Variants in KNTC1 observed in about 807,000 individuals in gnomAD.
The protein encoded by KNTC1 is kinetochore-associated protein 1.
KNTC1 carries 253 observed loss-of-function variants against 314.4 expected under a neutral mutation model. The ratio of observed to expected loss-of-function variants is 0.80; its 90% CI spans 0.73 to 0.89. The LOEUF (loss-of-function observed/expected upper bound fraction) is 0.89, where lower values mean the gene tolerates loss of function less well. KNTC1 is among the 40% of genes least tolerant of loss of function. The pLI, the probability that KNTC1 is intolerant of heterozygous loss-of-function variation, is 0.00. For missense variants in KNTC1, 2,475 were observed against 2,572.9 expected, an observed-to-expected ratio of 0.96 and a Z score of 0.82; for synonymous variants, 901 against 901.4, an observed-to-expected ratio of 1.00 and a Z score of 0.01.
Position 122,590,716 on chromosome 12 carries a change from A to G in KNTC1, c.4109A>G (p.Gln1370Arg). 2 of 1,613,236 alleles carry G rather than the reference A, an allele frequency of 1.2e-6. No individual in the cohort carries two copies. Among genetic ancestry groups the G allele is most frequent in the South Asian group, 2.2e-5 (2 of 90,972 alleles). Reference protein sequence around the residue: ...NLWKLIDKAWQNYDKILAISL... With the variant: ...NLWKLIDKAWRNYDKILAISL... ...TGGAAGCTCATAGATAAAGCATGGC[A>G]GAATTACGACAAAATCTTGGTATGT... The change falls in exon 41 of 64, where the codon CAG (glutamine) becomes CGG (arginine). Residue 1370 changes from glutamine (Q) to arginine (R), a missense_variant. By Grantham distance (43) the Gln-to-Arg change is conservative. Coordinates refer to ENST00000333479, the MANE Select transcript of KNTC1 (RefSeq NM_014708.6).
intron 33 of KNTC1, 117 bp downstream of exon 33, chr12:122,580,787 G>C: frequency 3.6e-6 from 2 of 556,700 alleles, no homozygotes; most frequent in Non-Finnish European, 3.2e-6. Flanking sequence ...CCAGCACTTT[G>C]GGAGGCCAAG....
At chr12:122,624,267 T>TTTTCC (rs1420208837) in intron 62 of KNTC1, among the ~76,000 whole-genome samples, 1 of 129,866 alleles carries the variant, frequency 7.7e-6, no homozygotes, top group African/African-American at 2.6e-5. Flanking sequence ...CCTCTTTTTC[T>TTTTCC]TTTCTTTTCT....
Position 122,571,134 on chromosome 12 carries a change from G to T in KNTC1, c.2019+8G>T. 1 of 1,598,148 alleles carries T rather than the reference G, an allele frequency of 6.3e-7. No homozygotes were observed. On this transcript the variant is annotated splice_region_variant and intron_variant, in intron 24 of 63. Transcript: ENST00000333479. ...TGGCATTGGATTTCCTTGGTATGAT[G>T]TGAGAATGGATTTTTAGTAATGAAA... is the stretch of plus-strand genomic sequence containing the variant.
intron 18 of KNTC1, among the ~76,000 whole-genome samples, chr12:122,559,143 T>C (rs973239962): frequency 6.6e-6 from 1 of 152,046 alleles, no homozygotes; most frequent in Non-Finnish European, 1.5e-5. Context: ...GGTCAGGAGA[T>C]CGAGACCATT....
intron 16 of KNTC1, among the ~76,000 whole-genome samples, chr12:122,552,141 C>T (rs1963245238): frequency 1.3e-5 from 2 of 152,014 alleles, no homozygotes; most frequent in Non-Finnish European, 2.9e-5. Flanking sequence ...CTCCTAACCT[C>T]CTCGTGATCT....
At chr12:122,593,513 TC>T (rs1362568368) in intron 42 of KNTC1, 2 of 152,218 alleles carry the variant, frequency 1.3e-5, no homozygotes, top group Non-Finnish European at 2.9e-5. Flanking sequence ...TCCGCCCACG[TC>T]GGCCTCCCAA....
intron 51 of KNTC1, among the ~76,000 whole-genome samples, 183 bp downstream of exon 51, chr12:122,605,598 T>G (rs2138129539): frequency 6.6e-6 from 1 of 152,196 alleles, no homozygotes; most frequent in African/African-American, 2.4e-5. Flanking sequence ...CAGGCTGGAG[T>G]GTAATGGCGC....
In KNTC1 at chr12:122,575,844, A is replaced by G. The variant is rs1278025893; in HGVS notation, c.2531A>G (p.Lys844Arg). 6.2e-7 allele frequency: 1 copy of G among 1,613,600 alleles called. No homozygotes were observed. The highest frequency in any genetic ancestry group is 1.1e-5 in the South Asian group (1 of 90,946). Residue 844 changes from lysine (K) to arginine (R), a missense_variant, in exon 29 of 64, where the codon AAA becomes AGA. By Grantham distance (26) the Lys-to-Arg change is conservative. Transcript: ENST00000333479. ...QESYKLMEMK[K>R]LLRGYGIREV... ...AGTTACAAACTAATGGAGATGAAAA[A>G]ACTTTTACGAGGCTATGGAATAAGA...
chr12:122,601,453 A>G, intron 44 of KNTC1, 83 bp from the exon 45 acceptor site: 1 of 1,150,256 alleles, frequency 8.7e-7, no homozygotes, highest in South Asian at 1.6e-5. Context: ...TATATTTGTA[A>G]TCTGTGCTGA....
At chr12:122,564,986 T>G (rs553748464) in intron 20 of KNTC1, among the ~76,000 whole-genome samples, 115 of 152,304 alleles carry the variant, frequency 7.6e-4, no homozygotes, top group Non-Finnish European at 1.4e-3. Flanking sequence ...AAAAGGTTAT[T>G]CATCCAAACT....
intron 52 of KNTC1, 57 bp downstream of exon 52, chr12:122,609,487 C>A: frequency 8.7e-7 from 1 of 1,154,550 alleles, no homozygotes; most frequent in Non-Finnish European, 1.2e-6. Context: ...AGAAATCTTA[C>A]CAGTACATTT....
rs550869806 is a variant in KNTC1, at chr12:122,555,274, C to T, written c.1273-2110C>T. Among the ~76,000 whole-genome samples, 4 of 152,240 alleles carry T rather than the reference C, an allele frequency of 2.6e-5. No individual in the cohort carries two copies. In the South Asian group the frequency reaches 6.2e-4, roughly 24 times the overall value. On this transcript the variant is annotated intron_variant, in intron 16 of 63. Coordinates refer to ENST00000333479, the MANE Select transcript of KNTC1 (RefSeq NM_014708.6). ...TGATAAATAATCATATATACTTGGCCGGGTGCAGTGGCTCACCTTTGTAAT... is the reference window on the plus strand; with the variant it reads ...TGATAAATAATCATATATACTTGGCTGGGTGCAGTGGCTCACCTTTGTAAT...
intron 9 of KNTC1, 49 bp from the exon 10 acceptor site, chr12:122,546,573 A>G (rs376516407): frequency 3.4e-6 from 4 of 1,181,334 alleles, no homozygotes; most frequent in Admixed American, 4.5e-5. Flanking sequence ...ATTTAGATAT[A>G]TGAAATATTG....
At chr12:122,532,011 G>T (rs990460757) in intron 2 of KNTC1, among the ~76,000 whole-genome samples, 1 of 150,390 alleles carries the variant, frequency 6.6e-6, no homozygotes, top group African/African-American at 2.4e-5. Context: ...GGGATTACAG[G>T]CTTGAGCCAC....
At chr12:122,564,156 T>G (rs1289455677) in intron 20 of KNTC1, among the ~76,000 whole-genome samples, 1 of 152,098 alleles carries the variant, frequency 6.6e-6, no homozygotes, top group East Asian at 1.9e-4. Context: ...TTTTGTATTT[T>G]TAGTAGAGAC....
At chr12:122,533,756 T>C (rs1961571086) in intron 2 of KNTC1, among the ~76,000 whole-genome samples, 1 of 152,072 alleles carries the variant, frequency 6.6e-6, no homozygotes, top group African/African-American at 2.4e-5. Context: ...TTTCAAGGAT[T>C]ACACCTGGAG....
At chr12:122,572,831 G>C (rs550499356) in intron 24 of KNTC1, 106 bp from the exon 25 acceptor site, 1 of 907,876 alleles carries the variant, frequency 1.1e-6, no homozygotes, top group Admixed American at 2.9e-5. Flanking sequence ...TTCCTCTTAC[G>C]TGCATAACCA....
intron 50 of KNTC1, 87 bp from the exon 51 acceptor site, chr12:122,605,219 A>G: frequency 9.7e-7 from 1 of 1,029,198 alleles, no homozygotes; most frequent in Non-Finnish European, 1.4e-6. Flanking sequence ...ATGTGTATGT[A>G]TGTGCATATA....
intron 19 of KNTC1, among the ~76,000 whole-genome samples, 199 bp from the exon 20 acceptor site, chr12:122,562,439 T>TTGTGTGTGTGTGTGTGTG (rs4039211): frequency 6.9e-6 from 1 of 144,982 alleles, no homozygotes; most frequent in Non-Finnish European, 1.5e-5. Flanking sequence ...ATCCCATGTT[T>TTGTGTGTGTGTGTGTGTG]TGTGTGTGTG....
Sources: gnomAD v4.1 joint callset for allele counts (sites outside exome capture counted in the v4.1 genomes callset) on GRCh38, gnomAD v4.1.1 for gene constraint, MANE v1.5 for transcripts, NCBI Gene and HGNC (gene_info 2026-07-23, HGNC 2026-07-21) for gene names.